SYN2: variants seen among roughly 807,000 people sequenced by gnomAD.
The protein encoded by SYN2 is synapsin II, also known as synapsin-2.
In SYN2, 19 loss-of-function variants were observed where a neutral mutation model predicts 50.9. The ratio of observed to expected loss-of-function variants is 0.37; its 90% CI spans 0.26 to 0.55. The LOEUF is 0.55. Ranked by LOEUF, SYN2 falls within the 20% of genes least tolerant of loss-of-function variation. SYN2 has a pLI of 0.81. For missense variants in SYN2, 587 were observed against 576.4 expected (o/e 1.02, Z -0.19); for synonymous variants, 255 against 224.9 (o/e 1.13, Z -1.20).
intron 1 of SYN2, among the ~76,000 whole-genome samples, chr3:12,022,422 T>G (rs1262070040): frequency 6.6e-6 from 1 of 152,056 alleles, no homozygotes; most frequent in Non-Finnish European, 1.5e-5. Context: ...TTATTATTAG[T>G]TTTTGAGACG....
intron 1 of SYN2, among the ~76,000 whole-genome samples, chr3:12,108,179 G>A (rs993793159): frequency 6.6e-5 from 10 of 152,072 alleles, no homozygotes; most frequent in Non-Finnish European, 1.3e-4. Flanking sequence ...CACTGCACTC[G>A]AGCCTGTCTC....
chr3:12,060,677 A>C (rs1268337215), intron 1 of SYN2, among the ~76,000 whole-genome samples: 1 of 152,178 alleles, frequency 6.6e-6, no homozygotes, highest in Non-Finnish European at 1.5e-5. Flanking sequence ...CAGAGGACAT[A>C]CAAACAGGGA....
intron 5 of SYN2, chr3:12,153,562 C>T (rs949361303): frequency 1.2e-6 from 2 of 1,614,032 alleles, no homozygotes; most frequent in East Asian, 2.2e-5. Flanking sequence ...GGCAGGTGGC[C>T]CCGGTACCAG....
intron 5 of SYN2, among the ~76,000 whole-genome samples, chr3:12,152,276 C>T (rs1288182638): frequency 1.3e-5 from 2 of 152,212 alleles, no homozygotes; most frequent in East Asian, 3.8e-4. Context: ...GTCATCTTTG[C>T]CAGAGCTTCC....
chr3:12,178,983 G>C (rs1237443236), intron 10 of SYN2, among the ~76,000 whole-genome samples: 1 of 152,222 alleles, frequency 6.6e-6, no homozygotes, highest in Non-Finnish European at 1.5e-5. Flanking sequence ...CACATCAGCA[G>C]AGGCGAAGGT....
chr3:12,175,203 C>A (rs1698037583), intron 10 of SYN2, among the ~76,000 whole-genome samples: 1 of 152,234 alleles, frequency 6.6e-6, no homozygotes. Context: ...GCAAACCACT[C>A]CTGCCCCACT....
chr3:12,076,195 T>TG (rs1392166538), intron 1 of SYN2, among the ~76,000 whole-genome samples: 1 of 151,992 alleles, frequency 6.6e-6, no homozygotes, highest in Non-Finnish European at 1.5e-5. Flanking sequence ...AGCAGTCTAG[T>TG]GGGGAGGCTA....
rs1414156591 is a variant in SYN2 at position 12,033,165 on chromosome 3, TG to T, written c.377+28243del. Among the ~76,000 whole-genome samples the T allele has an allele frequency of 7.9e-5, 12 of 151,878 alleles. No homozygotes were observed. In the South Asian group the frequency reaches 1.7e-3, roughly 21 times the overall value. ...GTGTGAGGTGTCAGTGTGCCCCTGC[TG>T]GGGGGTGCCTCCCAGTTAGGCTGCT... On this transcript the variant is annotated intron_variant, in intron 1 of 12. Transcript: ENST00000621198.
chr3:12,133,197 A>G (rs1311750106), intron 1 of SYN2, among the ~76,000 whole-genome samples: 1 of 152,236 alleles, frequency 6.6e-6, no homozygotes, highest in African/African-American at 2.4e-5. Flanking sequence ...AGCATTTGAT[A>G]TAACAATTTA....
At chr3:12,166,251 G>GAC (rs1302001686) in intron 7 of SYN2, among the ~76,000 whole-genome samples, 1 of 152,186 alleles carries the variant, frequency 6.6e-6, no homozygotes, top group Non-Finnish European at 1.5e-5. Flanking sequence ...GGGCTCTGTC[G>GAC]ACAGTGTAAG....
chr3:12,101,253 T>C (rs1696068440), intron 1 of SYN2, among the ~76,000 whole-genome samples: 1 of 152,178 alleles, frequency 6.6e-6, no homozygotes, highest in African/African-American at 2.4e-5. Context: ...AACTGATCAA[T>C]GTATAAATAA....
At chr3:12,012,142 T>A (rs553486588) in intron 1 of SYN2, among the ~76,000 whole-genome samples, 2 of 152,054 alleles carry the variant, frequency 1.3e-5, no homozygotes, top group Non-Finnish European at 2.9e-5. Context: ...TTTGTGTTTT[T>A]CAAAAGGCAA....
intron 1 of SYN2, among the ~76,000 whole-genome samples, chr3:12,086,601 A>G (rs1695706664): frequency 6.6e-6 from 1 of 152,224 alleles, no homozygotes; most frequent in South Asian, 2.1e-4. Flanking sequence ...TATTAACAAA[A>G]TGAGGGACAA....
Position 12,154,451 on chromosome 3 carries a change from C to T in SYN2, c.774+3125C>T, listed in dbSNP as rs765717791. The T allele has an allele frequency of 3.7e-6, 6 of 1,614,004 alleles. No homozygotes were observed. Among genetic ancestry groups the T allele is most frequent in the South Asian group, 2.2e-5 (2 of 91,052 alleles). ...GACTTTTCCATCACTGAGGACCTGA[C>T]CTTCAAGGGGAGATGGAGGAGAGTC... On this transcript the variant is annotated intron_variant, in intron 5 of 12. Transcript: ENST00000621198.
intron 1 of SYN2, among the ~76,000 whole-genome samples, chr3:12,076,908 T>G (rs1021535399): frequency 1.3e-5 from 2 of 152,128 alleles, no homozygotes; most frequent in Admixed American, 1.3e-4. Flanking sequence ...CAAGATTGAT[T>G]GAAGTTAACT....
intron 1 of SYN2, among the ~76,000 whole-genome samples, chr3:12,100,982 A>C (rs938794300): frequency 6.6e-6 from 1 of 152,152 alleles, no homozygotes; most frequent in South Asian, 2.1e-4. Flanking sequence ...GACAATAACA[A>C]GTGTTGGTGA....
intron 4 of SYN2, among the ~76,000 whole-genome samples, chr3:12,146,302 G>C (rs1472807224): frequency 6.6e-6 from 1 of 152,204 alleles, no homozygotes; most frequent in African/African-American, 2.4e-5. Context: ...CCTACCAAGT[G>C]GTTCAGCAAC....
intron 7 of SYN2, among the ~76,000 whole-genome samples, chr3:12,162,881 TC>T (rs1296916155): frequency 6.6e-6 from 1 of 152,214 alleles, no homozygotes; most frequent in East Asian, 1.9e-4. Flanking sequence ...TACCTGACTT[TC>T]CATAATACGC....
intron 10 of SYN2, among the ~76,000 whole-genome samples, chr3:12,175,711 T>A (rs1448851677): frequency 6.6e-6 from 1 of 152,226 alleles, no homozygotes; most frequent in Non-Finnish European, 1.5e-5. Context: ...GAGCTGGGGC[T>A]TGGGGTGAGG....
Sources: allele counts gnomAD v4.1 joint callset (sites outside exome capture counted in the v4.1 genomes callset), GRCh38; gene constraint gnomAD v4.1.1; transcripts MANE v1.5; gene names NCBI Gene and HGNC (gene_info 2026-07-23, HGNC 2026-07-21).